GATAD2B: variants seen among roughly 807,000 people sequenced by gnomAD.
GATAD2B encodes the protein GATA zinc finger domain containing 2B, also known as transcriptional repressor p66-beta.
GATAD2B carries 8 observed loss-of-function variants against 64.3 expected under a neutral mutation model. The observed-to-expected ratio is 0.12, with a 90% confidence interval of 0.07 to 0.22. The LOEUF (loss-of-function observed/expected upper bound fraction) is 0.22, where lower values mean the gene tolerates loss of function less well. Ranked by LOEUF, GATAD2B falls within the 10% of genes least tolerant of loss-of-function variation. The pLI is 1.00. For synonymous variants in GATAD2B, 281 were observed against 271.3 expected (o/e 1.04, Z -0.35); for missense variants, 453 against 752.0 (o/e 0.60, Z 4.65).
chr1:153,852,202 G>A, intron 1 of GATAD2B: 1 of 1,007,306 alleles, frequency 9.9e-7, no homozygotes, highest in South Asian at 1.3e-5. Flanking sequence ...AGGGTGAAAG[G>A]GACCTACCAG....
At chr1:153,887,036 GGAGAAATC>G (rs1677205794) in intron 1 of GATAD2B, among the ~76,000 whole-genome samples, 1 of 151,988 alleles carries the variant, frequency 6.6e-6, no homozygotes, top group African/African-American at 2.4e-5. Flanking sequence ...CAGTCTATTT[GGAGAAATC>G]AGACCACAAT....
chr1:153,808,030 A>C lies in GATAD2B; in HGVS notation c.*2147T>G, dbSNP rs934084315. The C allele has an allele frequency of 6.6e-6, 1 of 152,646 alleles. No individual in the cohort carries two copies. Among genetic ancestry groups the C allele is most frequent in the East Asian group, 1.9e-4 (1 of 5,192 alleles). 9.5% of individuals were successfully genotyped at this position (152,646 alleles called of 1,614,324 possible). A position where few individuals can be genotyped will look rare whatever the true frequency, so the allele number is the denominator to read the frequency against. ...TTTATCCAGTGCTTTCAAAGCACAG[A>C]GGGCAAAGAAAAGATGTAAGAATAT... On this transcript the variant is annotated 3_prime_UTR_variant, in exon 11 of 11. Coordinates refer to ENST00000368655, the MANE Select transcript of GATAD2B (RefSeq NM_020699.4).
chr1:153,870,951 C>T (rs1570976823), intron 1 of GATAD2B, among the ~76,000 whole-genome samples: 1 of 152,070 alleles, frequency 6.6e-6, no homozygotes, highest in Non-Finnish European at 1.5e-5. Context: ...CTTGCTCTGT[C>T]GCCCAGGCTG....
intron 1 of GATAD2B, chr1:153,852,617 C>T (rs1675941347): frequency 2.5e-6 from 2 of 795,148 alleles, no homozygotes. Flanking sequence ...GCACACTCTT[C>T]CTGGCAAATT....
In GATAD2B at chr1:153,878,774, CTTTTT is replaced by C. The variant is rs71093297; in HGVS notation, c.-2+43954_-2+43958del. Among the ~76,000 whole-genome samples, 997 of 108,132 alleles carry C rather than the reference CTTTTT, an allele frequency of 9.2e-3. 4 individuals are homozygous for C. The highest frequency in any genetic ancestry group is 0.014 in the Non-Finnish European group (782 of 56,964). The allele number at this position is 108,132 out of a possible 152,430, so 70.9% of individuals were successfully genotyped here. On this transcript the variant is annotated intron_variant, in intron 1 of 10. Transcript: ENST00000368655. Reference sequence around the variant, plus strand: ...TAACAGTGTGACCCATACTTTATTCCTTTTTTTTTTTTTTTTTTTTTGAGACAGAG... The same window carrying C: ...TAACAGTGTGACCCATACTTTATTCCTTTTTTTTTTTTTTTTGAGACAGAG...
chr1:153,911,690 C>T (rs1012071369), intron 1 of GATAD2B, among the ~76,000 whole-genome samples: 2 of 151,852 alleles, frequency 1.3e-5, no homozygotes, highest in Non-Finnish European at 2.9e-5. Context: ...GAGCAGAGAT[C>T]GCGCCACTGC....
At chr1:153,901,787 G>A (rs187890604) in intron 1 of GATAD2B, among the ~76,000 whole-genome samples, 3 of 151,476 alleles carry the variant, frequency 2.0e-5, no homozygotes, top group Non-Finnish European at 2.9e-5. Flanking sequence ...TCGTGCCACT[G>A]CACTCCAGCC....
chr1:153,860,534 T>C (rs1676245081), intron 1 of GATAD2B, among the ~76,000 whole-genome samples: 1 of 150,032 alleles, frequency 6.7e-6, no homozygotes, highest in Non-Finnish European at 1.5e-5. Flanking sequence ...TGGGTCTTGC[T>C]ATGTTGCCCA....
chr1:153,852,329 C>A, intron 1 of GATAD2B: 1 of 963,118 alleles, frequency 1.0e-6, no homozygotes, highest in South Asian at 1.3e-5. Flanking sequence ...TCAAAGGAGG[C>A]AGCATTGCAG....
At chr1:153,824,608 C>T (rs902693155) in intron 2 of GATAD2B, among the ~76,000 whole-genome samples, 3 of 76,262 alleles carry the variant, frequency 3.9e-5, no homozygotes, top group Non-Finnish European at 5.4e-5. Context: ...CGAGACTCTG[C>T]CTTTAAAAAA....
intron 1 of GATAD2B, among the ~76,000 whole-genome samples, chr1:153,863,509 TAAG>T (rs1170355041): frequency 2.4e-5 from 2 of 84,780 alleles, no homozygotes; most frequent in Non-Finnish European, 5.0e-5. Context: ...AAGAAAGAAA[TAAG>T]AAAAAAAAAA....
intron 1 of GATAD2B, among the ~76,000 whole-genome samples, chr1:153,851,849 G>A (rs560347012): frequency 6.6e-6 from 1 of 152,216 alleles, no homozygotes; most frequent in South Asian, 2.1e-4. Context: ...GAACATAAGT[G>A]CACTTGAATT....
Position 153,813,460 on chromosome 1 carries a change from C to T in GATAD2B, c.1217-8G>A. On this transcript the variant is annotated splice_polypyrimidine_tract_variant and splice_region_variant and intron_variant, in intron 7 of 10. Coordinates refer to ENST00000368655, the MANE Select transcript of GATAD2B (RefSeq NM_020699.4). ...GTGAGGCACAGCTTTTGCCTAGATA[C>T]CAACAAAAATAGTCAGTGGCTTTAC... 1.9e-6 allele frequency: 3 copies of T among 1,604,696 alleles called. No homozygotes were observed. Among genetic ancestry groups the T allele is most frequent in the South Asian group, 2.2e-5 (2 of 90,868 alleles).
At chr1:153,900,333 T>A (rs1677727080) in intron 1 of GATAD2B, among the ~76,000 whole-genome samples, 1 of 151,786 alleles carries the variant, frequency 6.6e-6, no homozygotes, top group Non-Finnish European at 1.5e-5. Flanking sequence ...GGCAGGAGAA[T>A]CACTTGAACC....
chr1:153,815,272 CAAAAAAACAAAAA>C (rs1306001216), intron 7 of GATAD2B, among the ~76,000 whole-genome samples: 177 of 17,946 alleles, frequency 9.9e-3, no homozygotes, highest in Non-Finnish European at 0.019. Context: ...GACCCTGTCT[CAAAAAAACAAAAA>C]AAAAAAACAA....
At chr1:153,818,240 C>A in intron 4 of GATAD2B, 69 bp from the exon 5 acceptor site, 1 of 1,402,068 alleles carries the variant, frequency 7.1e-7, no homozygotes, top group Non-Finnish European at 9.7e-7. Context: ...CATTTCTAGA[C>A]TTTAAAAATT....
In GATAD2B at chr1:153,811,815, T is replaced by C. The variant is rs1445418917; in HGVS notation, c.1564A>G (p.Ile522Val). The change falls in exon 10 of 11, where the codon ATA becomes GTA. Residue 522 changes from isoleucine (I) to valine (V), a missense_variant. By Grantham distance (29) the Ile-to-Val change is conservative. Coordinates refer to ENST00000368655, the MANE Select transcript of GATAD2B (RefSeq NM_020699.4). ...AGCATGGAGCGGGCAGATGTGGGTA[T>C]GCCACGCTGGAGGCTGCTCTGGGGC... ...PQPQSSLQRGIPTSARSMLSN... is the reference protein window; with the variant it reads ...PQPQSSLQRGVPTSARSMLSN... 35 of 1,612,512 alleles carry C rather than the reference T, an allele frequency of 2.2e-5. No homozygotes were observed. In the Admixed American group the frequency reaches 5.9e-4, roughly 27 times the overall value.
intron 1 of GATAD2B, among the ~76,000 whole-genome samples, chr1:153,882,317 C>T (rs768029336): frequency 1.3e-5 from 2 of 152,096 alleles, no homozygotes; most frequent in Non-Finnish European, 2.9e-5. Flanking sequence ...CAAATTATAA[C>T]AAAATGAAGA....
At chr1:153,846,557 C>CT (rs887230575) in intron 1 of GATAD2B, among the ~76,000 whole-genome samples, 2,751 of 113,868 alleles carry the variant, frequency 0.024, 98 homozygotes, top group African/African-American at 0.04. Context: ...TCTTTGCGTT[C>CT]TTTTTTTTTT....
Sources: gnomAD v4.1 joint callset for allele counts (sites outside exome capture counted in the v4.1 genomes callset) on GRCh38, gnomAD v4.1.1 for gene constraint, MANE v1.5 for transcripts, NCBI Gene and HGNC (gene_info 2026-07-23, HGNC 2026-07-21) for gene names.